Variants in CREB5 observed in about 807,000 individuals in gnomAD.
The protein encoded by CREB5 is cyclic AMP-responsive element-binding protein 5.
Under a neutral mutation model 57.1 loss-of-function variants are expected in CREB5, and 19 were observed. The ratio of observed to expected loss-of-function variants is 0.33; its 90% CI spans 0.23 to 0.49. The LOEUF (loss-of-function observed/expected upper bound fraction) is 0.49, where lower values mean the gene tolerates loss of function less well. Ranked by LOEUF, CREB5 falls within the 20% of genes least tolerant of loss-of-function variation. The pLI, the probability that CREB5 is intolerant of heterozygous loss-of-function variation, is 0.99. For missense variants in CREB5, 579 were observed against 671.6 expected (o/e 0.86, Z 1.52); for synonymous variants, 238 against 238.3 (o/e 1.00, Z 0.01).
chr7:28,739,282 A>G (rs1804205003), intron 7 of CREB5, among the ~76,000 whole-genome samples: 1 of 152,212 alleles, frequency 6.6e-6, no homozygotes, highest in South Asian at 2.1e-4. Flanking sequence ...CAAGCGCTCA[A>G]TAACTACATG....
chr7:28,377,014 T>C (rs1483254330), intron 1 of CREB5, among the ~76,000 whole-genome samples: 1 of 152,230 alleles, frequency 6.6e-6, no homozygotes, highest in African/African-American at 2.4e-5. Context: ...TCCCAGCCCA[T>C]GCCCTCTGTG....
chr7:28,670,247 G>C (rs972695220), intron 5 of CREB5, among the ~76,000 whole-genome samples: 7 of 152,140 alleles, frequency 4.6e-5, no homozygotes, highest in African/African-American at 1.7e-4. Context: ...TAATAAAGTA[G>C]AACCATTATA....
At chr7:28,777,389 A>T (rs1002386447) in intron 7 of CREB5, among the ~76,000 whole-genome samples, 5 of 152,194 alleles carry the variant, frequency 3.3e-5, no homozygotes, top group Admixed American at 3.3e-4. Flanking sequence ...ATATGGCTTC[A>T]TTGTAAGGAA....
intron 5 of CREB5, among the ~76,000 whole-genome samples, chr7:28,575,125 T>A (rs1447513215): frequency 6.6e-6 from 1 of 152,154 alleles, no homozygotes; most frequent in African/African-American, 2.4e-5. Flanking sequence ...GAATATTAGA[T>A]GTAGTTCAAT....
chr7:28,605,161 A>G (rs73079890), intron 5 of CREB5, among the ~76,000 whole-genome samples: 9,592 of 152,284 alleles, frequency 0.063, 442 homozygotes, highest in Non-Finnish European at 0.097. Flanking sequence ...AGAGAAGACC[A>G]TGTCTATAAA....
At chr7:28,499,945 A>T (rs12671325) in intron 3 of CREB5, among the ~76,000 whole-genome samples, 35,080 of 152,088 alleles carry the variant, frequency 0.23, 4,668 homozygotes, top group African/African-American at 0.37. Flanking sequence ...AGCTAATGCT[A>T]TAGGCAACTG....
intron 1 of CREB5, among the ~76,000 whole-genome samples, chr7:28,315,842 G>A (rs1382080963): frequency 6.6e-6 from 1 of 152,106 alleles, no homozygotes; most frequent in Non-Finnish European, 1.5e-5. Flanking sequence ...TGCCAGAGTC[G>A]GGCTCTGGGA....
At chr7:28,531,372 T>C (rs1793721385) in intron 4 of CREB5, among the ~76,000 whole-genome samples, 1 of 152,158 alleles carries the variant, frequency 6.6e-6, no homozygotes, top group Non-Finnish European at 1.5e-5. Context: ...TTCGAGTGTT[T>C]TGCTGGCCAT....
chr7:28,373,069 CT>C, intron 1 of CREB5, among the ~76,000 whole-genome samples: 1 of 152,268 alleles, frequency 6.6e-6, no homozygotes, highest in East Asian at 1.9e-4. Context: ...GTTTCCTCAC[CT>C]GTTAAATGCA....
chr7:28,812,745 AC>A (rs1339961876), intron 9 of CREB5, among the ~76,000 whole-genome samples: 1 of 152,166 alleles, frequency 6.6e-6, no homozygotes, highest in African/African-American at 2.4e-5. Flanking sequence ...AGATTCCGCT[AC>A]CTTTGAATGA....
chr7:28,493,276 C>T (rs1791884116), intron 2 of CREB5, among the ~76,000 whole-genome samples: 1 of 152,206 alleles, frequency 6.6e-6, no homozygotes, highest in Non-Finnish European at 1.5e-5. Flanking sequence ...AATATATCAT[C>T]CTCTGTTGTA....
intron 4 of CREB5, among the ~76,000 whole-genome samples, chr7:28,514,844 C>T (rs1792878232): frequency 6.6e-6 from 1 of 152,068 alleles, no homozygotes; most frequent in African/African-American, 2.4e-5. Flanking sequence ...ATGCCTGTGG[C>T]GGGTGTTATC....
chr7:28,801,404 A>T (rs1467434710), intron 7 of CREB5, among the ~76,000 whole-genome samples: 1 of 152,086 alleles, frequency 6.6e-6, no homozygotes, highest in Non-Finnish European at 1.5e-5. Context: ...TTTCAACATA[A>T]CCTCTTTTCA....
chr7:28,420,776 C>G (rs1016216797), intron 1 of CREB5, among the ~76,000 whole-genome samples: 4 of 143,988 alleles, frequency 2.8e-5, no homozygotes, highest in African/African-American at 1.1e-4. Flanking sequence ...CCATTGCACT[C>G]TAGCCTGTGC....
chr7:28,377,931 C>A (rs1288831437), intron 1 of CREB5, among the ~76,000 whole-genome samples: 68 of 112,360 alleles, frequency 6.1e-4, no homozygotes, highest in South Asian at 2.4e-3. Context: ...GACTCTATCT[C>A]AAAAAAAAAA....
intron 7 of CREB5, among the ~76,000 whole-genome samples, chr7:28,799,365 T>C (rs79985671): frequency 6.6e-6 from 1 of 152,202 alleles, no homozygotes; most frequent in South Asian, 2.1e-4. Context: ...AGTGGGCAAA[T>C]AACAATGTGC....
At chr7:28,796,814 G>A (rs527545690) in intron 7 of CREB5, among the ~76,000 whole-genome samples, 8 of 152,290 alleles carry the variant, frequency 5.3e-5, no homozygotes, top group Non-Finnish European at 7.4e-5. Context: ...GGCACATGGC[G>A]CTAAGTGGTT....
chr7:28,672,673 T>C (rs773542313), intron 5 of CREB5, among the ~76,000 whole-genome samples: 10 of 152,108 alleles, frequency 6.6e-5, no homozygotes, highest in Non-Finnish European at 1.3e-4. Context: ...TCAGGGAAAT[T>C]ACTGGATGAG....
At chr7:28,724,616 T>C (rs906605875) in intron 7 of CREB5, 17 of 303,210 alleles carry the variant, frequency 5.6e-5, no homozygotes, top group African/African-American at 2.8e-4. Flanking sequence ...CCCAAGCGTG[T>C]ATATATTTGC....
Sources: gnomAD v4.1 joint callset for allele counts (sites outside exome capture counted in the v4.1 genomes callset) on GRCh38, gnomAD v4.1.1 for gene constraint, MANE v1.5 for transcripts, NCBI Gene and HGNC (gene_info 2026-07-23, HGNC 2026-07-21) for gene names.